Variants in MRAP2 observed in about 807,000 individuals in gnomAD.
MRAP2 encodes melanocortin 2 receptor accessory protein 2.
MRAP2 carries 20 observed loss-of-function variants against 17.4 expected under a neutral mutation model. The ratio of observed to expected loss-of-function variants is 1.15; its 90% confidence interval spans 0.81 to 1.67. The LOEUF is 1.67. Ranked by LOEUF, MRAP2 falls within the 40% of genes most tolerant of loss-of-function variation. The probability of loss-of-function intolerance (pLI) is 0.00; values close to 1 mark genes in which losing one functional copy is unlikely to be tolerated. For synonymous variants in MRAP2, 96 were observed against 88.4 expected, an observed-to-expected ratio of 1.09 and a Z score of -0.48; for missense variants, 238 against 240.0, an observed-to-expected ratio of 0.99 and a Z score of 0.05.
the MRAP2 span, among the ~76,000 whole-genome samples, chr6:84,108,094 G>T: frequency 4.6e-3 from 693 of 152,266 alleles, 8 homozygotes; most frequent in African/African-American, 0.016. Context: ...ACTGTCAGTT[G>T]TACTTGGAGG....
At chr6:84,125,492 G>C in the MRAP2 span, among the ~76,000 whole-genome samples, 6 of 152,062 alleles carry the variant, frequency 3.9e-5, no homozygotes, top group African/African-American at 1.4e-4. Flanking sequence ...TTCATATGTT[G>C]AATTTCCTAA....
chr6:84,033,760 G>C (rs1455060806), upstream of MRAP2: 6 of 986,040 alleles, frequency 6.1e-6, no homozygotes, highest in Non-Finnish European at 7.2e-6. Context: ...CCGCACCTCG[G>C]ATCTAGGAGC....
chr6:84,123,601 T>TAAGA, the MRAP2 span, among the ~76,000 whole-genome samples: 2 of 152,098 alleles, frequency 1.3e-5, no homozygotes, highest in African/African-American at 4.8e-5. Context: ...GACCTAAATG[T>TAAGA]AAGACTTAAA....
chr6:84,062,303 A>G (rs1273864058), intron 2 of MRAP2, among the ~76,000 whole-genome samples: 1 of 152,220 alleles, frequency 6.6e-6, no homozygotes, highest in Non-Finnish European at 1.5e-5. Context: ...AGCTGTTCAA[A>G]TGGTGTTCAA....
At chr6:84,086,351 T>C (rs2099500446) in intron 3 of MRAP2, among the ~76,000 whole-genome samples, 1 of 152,228 alleles carries the variant, frequency 6.6e-6, no homozygotes, top group African/African-American at 2.4e-5. Flanking sequence ...GAAGTATTTT[T>C]TTGTGCAAGG....
At chr6:84,120,331 A>G in the MRAP2 span, among the ~76,000 whole-genome samples, 1 of 152,212 alleles carries the variant, frequency 6.6e-6, no homozygotes, top group African/African-American at 2.4e-5. Flanking sequence ...ACATACCCAG[A>G]AAGAATGCTT....
downstream of MRAP2, among the ~76,000 whole-genome samples, chr6:84,093,380 C>A (rs542319127): frequency 2.9e-4 from 44 of 152,186 alleles, no homozygotes; most frequent in African/African-American, 9.9e-4. Flanking sequence ...CCTGGTCAGC[C>A]ATCTCTGTCG....
chr6:84,081,375 C>G (rs2099498943), intron 3 of MRAP2, among the ~76,000 whole-genome samples: 1 of 152,140 alleles, frequency 6.6e-6, no homozygotes. Context: ...GATTCTGTGT[C>G]CCTACCCATA....
At chr6:84,109,544 G>A in the MRAP2 span, among the ~76,000 whole-genome samples, 4 of 151,986 alleles carry the variant, frequency 2.6e-5, no homozygotes, top group Non-Finnish European at 5.9e-5. Flanking sequence ...TTGCTTATTA[G>A]TTTAAGAAGC....
At chr6:84,093,456 T>A (rs2099502132), downstream of MRAP2, among the ~76,000 whole-genome samples, 1 of 152,126 alleles carries the variant, frequency 6.6e-6, no homozygotes, top group South Asian at 2.1e-4. Flanking sequence ...TGCCATGAGA[T>A]GTAATCAGCA....
intron 3 of MRAP2, among the ~76,000 whole-genome samples, chr6:84,088,078 G>A: frequency 6.6e-6 from 1 of 152,112 alleles, no homozygotes. Context: ...TGATAGGATG[G>A]GAAGGAAGAG....
intron 3 of MRAP2, among the ~76,000 whole-genome samples, chr6:84,078,794 GTGT>G (rs751818593): frequency 3.9e-5 from 6 of 152,088 alleles, no homozygotes; most frequent in Non-Finnish European, 5.9e-5. Context: ...CTTCTTTGTA[GTGT>G]TGTGATGCAG....
intron 3 of MRAP2, among the ~76,000 whole-genome samples, chr6:84,063,618 A>G (rs2099493734): frequency 6.6e-6 from 1 of 152,242 alleles, no homozygotes; most frequent in African/African-American, 2.4e-5. Flanking sequence ...ATCAAAAAGT[A>G]TTTGTTCAGT....
chr6:84,122,352 C>CAA, the MRAP2 span, among the ~76,000 whole-genome samples: 1,325 of 36,008 alleles, frequency 0.037, 139 homozygotes, highest in African/African-American at 0.092. Context: ...ACAGCACATC[C>CAA]AAAAAAAAAA....
the MRAP2 span, among the ~76,000 whole-genome samples, chr6:84,116,997 TTTTC>T: frequency 1.4e-3 from 209 of 152,040 alleles, no homozygotes; most frequent in African/African-American, 4.8e-3. Flanking sequence ...CCCTTCCCTT[TTTTC>T]TTTCTCTTTT....
At chr6:84,034,786 CAGT>C (rs747020239) in intron 1 of MRAP2, among the ~76,000 whole-genome samples, 148 of 152,114 alleles carry the variant, frequency 9.7e-4, no homozygotes, top group Non-Finnish European at 1.5e-3. Flanking sequence ...CAAAAGTAAA[CAGT>C]AGTATTTTCA....
chr6:84,045,179 A>G, intron 1 of MRAP2: 2 of 984,038 alleles, frequency 2.0e-6, no homozygotes, highest in Non-Finnish European at 2.4e-6. Context: ...CCAAGCCCCC[A>G]CAGATGCTAA....
At chr6:84,144,001 A>AT in the MRAP2 span, among the ~76,000 whole-genome samples, 1,410 of 152,068 alleles carry the variant, frequency 9.3e-3, 16 homozygotes, top group African/African-American at 0.032. Context: ...ATCACTTTGG[A>AT]TAACTAAGTA....
At chr6:84,088,971 G>A (rs2099501150) in intron 3 of MRAP2, 120 bp from the exon 4 acceptor site, 1 of 1,067,282 alleles carries the variant, frequency 9.4e-7, no homozygotes, top group African/African-American at 1.6e-5. Flanking sequence ...CATGCAAGGG[G>A]CTTACACTCA....
Sources: allele counts gnomAD v4.1 joint callset (sites outside exome capture counted in the v4.1 genomes callset), GRCh38; gene constraint gnomAD v4.1.1; transcripts MANE v1.5; gene names NCBI Gene and HGNC (gene_info 2026-07-23, HGNC 2026-07-21).